The following DMD variants were observed in gnomAD, a reference collection of about 807,000 sequenced individuals.
DMD encodes the protein mutant dystrophin.
A neutral mutation model predicts 330.1 loss-of-function variants in DMD; 63 were observed. The ratio of observed to expected loss-of-function variants is 0.19; its 90% CI spans 0.16 to 0.24. The LOEUF (loss-of-function observed/expected upper bound fraction) is 0.24, where lower values mean the gene tolerates loss of function less well. DMD is among the 10% of genes least tolerant of loss of function. The pLI, the probability that DMD is intolerant of heterozygous loss-of-function variation, is 1.00. For missense variants in DMD, 3,344 were observed against 2,684.1 expected (o/e 1.25, Z -5.43); for synonymous variants, 1,223 against 959.8 (o/e 1.27, Z -5.07).
chrX:32,178,981 TCC>T (rs1557194234), intron 44 of DMD, among the ~76,000 whole-genome samples: 102 of 98,166 alleles, frequency 1.0e-3, no homozygotes, highest in Middle Eastern at 5.2e-3. Flanking sequence ...TCTCTCTCTC[TCC>T]CTCTCCTCCT....
chrX:32,523,174 A>G lies in DMD; in HGVS notation c.2169-5043T>C, dbSNP rs2046608215. Among the ~76,000 whole-genome samples the G allele has an allele frequency of 3.6e-5, 4 of 111,218 alleles. No individual in the cohort carries two copies. The South Asian group carries it at 1.5e-3, about 43-fold the overall frequency. Reference sequence around the variant, plus strand: ...TAGGGGCTCAGAAAACGATACCCCAAAGTATGGCACTTTGGCATGCTGAAA... The same window carrying G: ...TAGGGGCTCAGAAAACGATACCCCAGAGTATGGCACTTTGGCATGCTGAAA... On this transcript the variant is annotated intron_variant, in intron 17 of 78. Coordinates refer to ENST00000357033, the MANE Select transcript of DMD (RefSeq NM_004006.3).
At chrX:31,359,154 T>G (rs1391125534) in intron 60 of DMD, among the ~76,000 whole-genome samples, 1 of 112,326 alleles carries the variant, frequency 8.9e-6, no homozygotes. Flanking sequence ...TTTAGTGAAT[T>G]TGTAGATTTG....
intron 17 of DMD, among the ~76,000 whole-genome samples, chrX:32,536,997 T>C (rs2048050909): frequency 9.0e-6 from 1 of 111,241 alleles, no homozygotes; most frequent in Admixed American, 9.5e-5. Context: ...TTAACTAGAG[T>C]GAAGGCAGCA....
chrX:31,769,909 C>T (rs976712119), intron 51 of DMD, among the ~76,000 whole-genome samples: 1 of 111,744 alleles, frequency 8.9e-6, no homozygotes, highest in African/African-American at 3.3e-5. Flanking sequence ...AATTTTGAGA[C>T]TTTGGGAGGA....
intron 76 of DMD, among the ~76,000 whole-genome samples, chrX:31,137,627 A>G (rs1253047840): frequency 9.1e-6 from 1 of 110,357 alleles, no homozygotes; most frequent in Admixed American, 9.6e-5. Context: ...AGTGCCTGGC[A>G]TATTGTTCAC....
chrX:33,201,221 G>A (rs1196042797), intron 1 of DMD, among the ~76,000 whole-genome samples: 3 of 111,043 alleles, frequency 2.7e-5, no homozygotes, highest in East Asian at 2.8e-4. Context: ...ATGAGCCACC[G>A]CGACCAGCCA....
At position 32,265,503 on chromosome X, in the gene DMD, C is replaced by A. The variant is rs767251071; in HGVS notation, c.6290+22026G>T. Among the ~76,000 whole-genome samples the A allele has an allele frequency of 2.7e-5, 3 of 112,229 alleles. No homozygotes were observed. The East Asian group carries it at 8.5e-4, about 32-fold the overall frequency. On this transcript the variant is annotated intron_variant, in intron 43 of 78. Coordinates refer to ENST00000357033, the MANE Select transcript of DMD (RefSeq NM_004006.3). ...TTGGAGCCCCCACATAGAGTCCCCA[C>A]TGGGGCACTGCCTAGTAGAGCTGTG...
chrX:32,623,526 G>A (rs769264664), intron 11 of DMD, among the ~76,000 whole-genome samples: 2 of 104,429 alleles, frequency 1.9e-5, no homozygotes, highest in African/African-American at 7.1e-5. Flanking sequence ...TATAATACTA[G>A]TATTTTTTTT....
intron 1 of DMD, among the ~76,000 whole-genome samples, chrX:33,199,003 G>T (rs756426001): frequency 9.0e-6 from 1 of 110,785 alleles, no homozygotes; most frequent in African/African-American, 3.3e-5. Context: ...AGCCAGTAAG[G>T]GGGCGAGGCA....
At chrX:32,654,222 T>C (rs1308991103) in intron 9 of DMD, among the ~76,000 whole-genome samples, 3 of 111,671 alleles carry the variant, frequency 2.7e-5, no homozygotes, top group African/African-American at 9.8e-5. Flanking sequence ...CATCCCTGTC[T>C]TGTGCCAGTT....
chrX:33,205,825 A>T (rs1053340947), intron 1 of DMD, among the ~76,000 whole-genome samples: 7 of 112,255 alleles, frequency 6.2e-5, no homozygotes, highest in African/African-American at 2.3e-4. Flanking sequence ...CAACACATTT[A>T]AAAGTTGACA....
intron 7 of DMD, among the ~76,000 whole-genome samples, chrX:32,782,288 G>A (rs1176584273): frequency 6.3e-5 from 7 of 111,232 alleles, no homozygotes; most frequent in Admixed American, 9.6e-5. Context: ...GATAACATAA[G>A]CACAAAACAA....
At chrX:32,914,716 C>A (rs1022817437) in intron 2 of DMD, among the ~76,000 whole-genome samples, 4 of 112,409 alleles carry the variant, frequency 3.6e-5, no homozygotes, top group African/African-American at 1.3e-4. Flanking sequence ...GTCAAAGAAA[C>A]GACTGCTACA....
intron 17 of DMD, among the ~76,000 whole-genome samples, chrX:32,525,716 G>A (rs2046877681): frequency 9.0e-6 from 1 of 110,943 alleles, no homozygotes; most frequent in African/African-American, 3.3e-5. Context: ...TGATTTAAAT[G>A]TCTTCATGCT....
At chrX:32,268,694 C>A (rs1210911240) in intron 43 of DMD, among the ~76,000 whole-genome samples, 7 of 111,753 alleles carry the variant, frequency 6.3e-5, no homozygotes, top group Admixed American at 5.7e-4. Flanking sequence ...ATTATTAATA[C>A]CAGAATCAAT....
In DMD at chrX:31,918,555, G is replaced by T. The variant is rs760976251; in HGVS notation, c.6912+11041C>A. 7.1e-5 allele frequency among the ~76,000 whole-genome samples: 8 copies of T among 111,988 alleles called. No individual in the cohort carries two copies. In the South Asian group the frequency reaches 3.0e-3, roughly 42 times the overall value. The stretch of plus-strand genomic sequence containing the variant: ...GAAAACTAATCCTTCACCCGAAGTA[G>T]AAATGATTATTTAATCATACTGCAT... On this transcript the variant is annotated intron_variant, in intron 47 of 78. Transcript: ENST00000357033.
At chrX:32,532,324 C>T (rs16990432) in intron 17 of DMD, among the ~76,000 whole-genome samples, 2,462 of 111,940 alleles carry the variant, frequency 0.022, 58 homozygotes, top group Admixed American at 0.069. Context: ...ATAAGTGCAG[C>T]TTCCATAGAC....
chrX:32,760,033 T>G (rs1179533755), intron 7 of DMD, among the ~76,000 whole-genome samples: 1 of 112,436 alleles, frequency 8.9e-6, no homozygotes, highest in Non-Finnish European at 1.9e-5. Flanking sequence ...TGAATAAATC[T>G]GCATTGAAAA....
At chrX:32,889,457 T>A (rs918625619) in intron 2 of DMD, among the ~76,000 whole-genome samples, 2 of 110,736 alleles carry the variant, frequency 1.8e-5, no homozygotes, top group Non-Finnish European at 3.8e-5. Flanking sequence ...ATCCTGGCAC[T>A]GTATCAGTGT....
Sources: allele counts gnomAD v4.1 joint callset (sites outside exome capture counted in the v4.1 genomes callset), GRCh38; gene constraint gnomAD v4.1.1; transcripts MANE v1.5; gene names NCBI Gene and HGNC (gene_info 2026-07-23, HGNC 2026-07-21).